IL1RN: variants seen among roughly 807,000 people sequenced by gnomAD.
IL1RN encodes the protein interleukin 1 receptor antagonist, also known as interleukin-1 receptor antagonist protein.
A neutral mutation model predicts 13.7 loss-of-function variants in IL1RN; 10 were observed. The observed-to-expected ratio is 0.73, with a 90% CI of 0.45 to 1.24. The LOEUF (loss-of-function observed/expected upper bound fraction) is 1.24, where lower values mean the gene tolerates loss of function less well. Among genes scored for constraint, IL1RN ranks in the 50% most tolerant of loss-of-function variants. The probability of loss-of-function intolerance (pLI) is 0.00; values close to 1 mark genes in which losing one functional copy is unlikely to be tolerated. For synonymous variants in IL1RN, 102 were observed against 82.7 expected, an observed-to-expected ratio of 1.23 and a Z score of -1.27; for missense variants, 213 against 222.1, an observed-to-expected ratio of 0.96 and a Z score of 0.26.
intron 1 of IL1RN, among the ~76,000 whole-genome samples, chr2:113,119,131 C>G (rs1258183993): frequency 6.6e-6 from 1 of 152,188 alleles, no homozygotes; most frequent in Non-Finnish European, 1.5e-5. Flanking sequence ...CCTTGCACTC[C>G]TTTCTGGGTG....
At chr2:113,104,093 C>A (rs1686352738), upstream of IL1RN, among the ~76,000 whole-genome samples, 1 of 151,290 alleles carries the variant, frequency 6.6e-6, no homozygotes, top group Non-Finnish European at 1.5e-5. Flanking sequence ...GAGTGATTTT[C>A]ATCATTACAT....
At chr2:113,104,962 G>T (rs1024020255), upstream of IL1RN, among the ~76,000 whole-genome samples, 3 of 152,194 alleles carry the variant, frequency 2.0e-5, no homozygotes, top group Non-Finnish European at 2.9e-5. Context: ...GTCCCAGTGG[G>T]AAAACAGATG....
upstream of IL1RN, among the ~76,000 whole-genome samples, chr2:113,107,048 G>T (rs535797644): frequency 7.8e-4 from 119 of 152,318 alleles, no homozygotes; most frequent in Non-Finnish European, 1.4e-3. Flanking sequence ...ATGAAATAGG[G>T]TAATTTAATA....
upstream of IL1RN, among the ~76,000 whole-genome samples, chr2:113,104,481 A>G (rs1623119): frequency 0.2 from 30,914 of 151,930 alleles, 4,660 homozygotes; most frequent in African/African-American, 0.42. Context: ...GGGCCTTCTC[A>G]TGGTGGGGGC....
upstream of IL1RN, chr2:113,115,665 A>G (rs915444208): frequency 3.9e-5 from 6 of 152,126 alleles, no homozygotes; most frequent in Non-Finnish European, 8.8e-5. Context: ...AGCGTTCTCC[A>G]TCTCTGGGAT....
At chr2:113,120,804 T>C (rs2104438806) in intron 2 of IL1RN, among the ~76,000 whole-genome samples, 1 of 152,344 alleles carries the variant, frequency 6.6e-6, no homozygotes, top group African/African-American at 2.4e-5. Flanking sequence ...ACAAATATAA[T>C]TCTTGCTTAT....
chr2:113,113,902 A>C (rs1010213662), upstream of IL1RN, among the ~76,000 whole-genome samples: 4 of 152,164 alleles, frequency 2.6e-5, no homozygotes, highest in Non-Finnish European at 5.9e-5. Flanking sequence ...GCACCATGCC[A>C]ATGTAGTCAA....
chr2:113,131,987 A>G (rs1408995527), intron 3 of IL1RN, among the ~76,000 whole-genome samples: 1 of 152,124 alleles, frequency 6.6e-6, no homozygotes, highest in African/African-American at 2.4e-5. Context: ...CCACCACCCC[A>G]TCTTCTCAGA....
chr2:113,129,726 C>T, intron 2 of IL1RN, 62 bp downstream of exon 2: 1 of 1,042,942 alleles, frequency 9.6e-7, no homozygotes, highest in Non-Finnish European at 1.5e-6. Context: ...CGTCTGTCTG[C>T]AGCAGCATGG....
upstream of IL1RN, among the ~76,000 whole-genome samples, chr2:113,114,680 TGA>T (rs143704495): frequency 4.0e-5 from 6 of 150,842 alleles, no homozygotes; most frequent in Non-Finnish European, 3.0e-5. Context: ...TGTGTGTGTG[TGA>T]GAGAGAGAGA....
At chr2:113,109,976 A>G (rs919098420), upstream of IL1RN, among the ~76,000 whole-genome samples, 4 of 152,148 alleles carry the variant, frequency 2.6e-5, no homozygotes, top group Non-Finnish European at 2.9e-5. Context: ...CTTCCTGCTG[A>G]TTGATCCTCA....
rs779892724 is a variant in IL1RN, at chr2:113,132,706, C to A, written c.369C>A (p.Phe123Leu). 6 of 1,614,248 alleles carry A rather than the reference C, an allele frequency of 3.7e-6. No individual in the cohort carries two copies. The highest frequency in any genetic ancestry group is 5.1e-6 in the Non-Finnish European group (6 of 1,180,036). The part of the protein sequence containing the change: ...LSENRKQDKR[F>L]AFIRSDSGPT... ...AGAACAGAAAGCAGGACAAGCGCTTCGCCTTCATCCGCTCAGACAGTGGCC... is the reference window on the plus strand; with the variant it reads ...AGAACAGAAAGCAGGACAAGCGCTTAGCCTTCATCCGCTCAGACAGTGGCC... Residue 123 changes from phenylalanine to leucine, a missense_variant, in exon 4 of 4, where the codon TTC becomes TTA. Phe to Leu is a conservative substitution (Grantham distance 22, BLOSUM62 0). Transcript: ENST00000409930.
chr2:113,129,867 A>T, intron 2 of IL1RN: 1 of 577,796 alleles, frequency 1.7e-6, no homozygotes, highest in Non-Finnish European at 3.2e-6. Context: ...GGAGAGGTAG[A>T]GTCTAGGTCA....
At position 113,129,628 on chromosome 2, in the gene IL1RN, G is replaced by A; in HGVS notation, c.169G>A (p.Ala57Thr). ...TFYLRNNQLV[A>T]GYLQGPNVNL... ...CTATCTGAGGAACAACCAACTAGTT[G>A]CTGGATACTTGCAAGGACCAAATGT... Residue 57 changes from alanine to threonine, a missense_variant, in exon 2 of 4, where the codon GCT (alanine) becomes ACT (threonine). Physicochemically the swap from Ala to Thr is moderately conservative, Grantham distance 58. Coordinates refer to ENST00000409930, the MANE Select transcript of IL1RN (RefSeq NM_173842.3). 6.2e-7 allele frequency: 1 copy of A among 1,613,392 alleles called. No homozygotes were observed. Among genetic ancestry groups the A allele is most frequent in the Non-Finnish European group, 8.5e-7 (1 of 1,179,274 alleles).
upstream of IL1RN, among the ~76,000 whole-genome samples, chr2:113,125,606 C>T (rs965918954): frequency 6.6e-5 from 10 of 152,212 alleles, no homozygotes; most frequent in African/African-American, 2.4e-4. Context: ...AGGATTAACT[C>T]TCTGGACACA....
chr2:113,118,056 A>T (rs1448231334), intron 1 of IL1RN: 2 of 1,612,588 alleles, frequency 1.2e-6, no homozygotes, highest in Non-Finnish European at 1.7e-6. Context: ...TCATTTTTTC[A>T]CCTGAGAAAT....
upstream of IL1RN, among the ~76,000 whole-genome samples, chr2:113,109,310 G>A (rs570920966): frequency 5.9e-5 from 9 of 151,910 alleles, no homozygotes; most frequent in South Asian, 1.2e-3. Context: ...TACTCTGGAG[G>A]CTGAGGCAGG....
At chr2:113,120,611 C>G (rs1020148558) in intron 2 of IL1RN, among the ~76,000 whole-genome samples, 1 of 152,136 alleles carries the variant, frequency 6.6e-6, no homozygotes, top group East Asian at 1.9e-4. Context: ...AAGTCCTGGA[C>G]AAACCAAGGT....
chr2:113,127,783 G>C, intron 1 of IL1RN, 43 bp downstream of exon 1: 1 of 1,597,624 alleles, frequency 6.3e-7, no homozygotes, highest in Non-Finnish European at 8.6e-7. Flanking sequence ...TGGATCAGCT[G>C]GAGACTGGAA....
Sources: allele counts gnomAD v4.1 joint callset (sites outside exome capture counted in the v4.1 genomes callset), GRCh38; gene constraint gnomAD v4.1.1; transcripts MANE v1.5; gene names NCBI Gene and HGNC (gene_info 2026-07-23, HGNC 2026-07-21).